AMELX: variants seen among roughly 807,000 people sequenced by gnomAD.
AMELX encodes amelogenin X-linked.
AMELX carries 9 observed loss-of-function variants against 15.8 expected under a neutral mutation model. The observed-to-expected ratio is 0.57, with a 90% confidence interval of 0.34 to 0.99. AMELX has a LOEUF of 0.99. AMELX is among the 50% of genes least tolerant of loss of function. The pLI is 0.02. For missense variants in AMELX, 107 were observed against 156.2 expected (o/e 0.68, Z 1.68); for synonymous variants, 61 against 58.8 (o/e 1.04, Z -0.17).
At chrX:11,303,281 G>A (rs2048193532), downstream of AMELX, among the ~76,000 whole-genome samples, 1 of 112,476 alleles carries the variant, frequency 8.9e-6, no homozygotes. Context: ...AGCCTTAACA[G>A]CAAGGGCCAT....
chrX:11,298,211 G>T (rs762554859), intron 3 of AMELX, 25 bp from the exon 4 acceptor site: 1 of 1,210,464 alleles, frequency 8.3e-7, no homozygotes, highest in South Asian at 1.8e-5. Context: ...AAATCAAATG[G>T]GTTCTAATAT....
Position 11,298,258 on chromosome X carries a change from A to G in AMELX, c.125A>G (p.Tyr42Cys), listed in dbSNP as rs1188448671. Residue 42 changes from tyrosine to cysteine, a missense_variant, in exon 4 of 6, where the codon TAC becomes TGC. Physicochemically the swap from Tyr to Cys is radical, Grantham distance 194 (BLOSUM62 -2). Coordinates refer to ENST00000380714, the MANE Select transcript of AMELX (RefSeq NM_001142.2). ...SYEVLTPLKWYQSIRPPYPSY... is the reference protein window; with the variant it reads ...SYEVLTPLKWCQSIRPPYPSY... ...AAGGTGCTTACCCCTTTGAAGTGGT[A>G]CCAGAGCATAAGGCCACCGGTATGT... 1.7e-6 allele frequency: 2 copies of G among 1,209,711 alleles called. No individual in the cohort carries two copies. The highest frequency in any genetic ancestry group is 2.2e-6 in the Non-Finnish European group (2 of 894,861).
chrX:11,298,834 C>A lies in AMELX; in HGVS notation c.431C>A (p.Pro144Gln). ...CCTCACCAGCCCATGCAGCCCCAGC[C>A]ACCTGTGCACCCCATGCAGCCCCTG... The part of the protein sequence containing the change: ...PQPHQPMQPQ[P>Q]PVHPMQPLPP... The change falls in exon 5 of 6, where the codon CCA becomes CAA. Residue 144 changes from proline to glutamine, a missense_variant. Transcript: ENST00000380714. 1.7e-6 allele frequency: 2 copies of A among 1,211,174 alleles called. No individual in the cohort carries two copies. Among genetic ancestry groups the A allele is most frequent in the Non-Finnish European group, 2.2e-6 (2 of 895,312 alleles).
intron 5 of AMELX, among the ~76,000 whole-genome samples, chrX:11,300,086 G>A (rs918808743): frequency 1.8e-5 from 2 of 111,536 alleles, no homozygotes; most frequent in Admixed American, 9.5e-5. Flanking sequence ...GCCTATCATT[G>A]GCTATTCTAG....
chrX:11,304,084 C>T (rs1045891885), downstream of AMELX, among the ~76,000 whole-genome samples: 2 of 110,237 alleles, frequency 1.8e-5, no homozygotes, highest in Non-Finnish European at 3.8e-5. Context: ...CACTGAAGTA[C>T]ATCACGTTTG....
chrX:11,299,878 G>A (rs947799273), intron 5 of AMELX, among the ~76,000 whole-genome samples: 11 of 111,698 alleles, frequency 9.8e-5, no homozygotes, highest in Non-Finnish European at 1.7e-4. Flanking sequence ...CAAATGTATC[G>A]GTGTTTTATT....
chrX:11,296,591 CA>C (rs2048088186), intron 2 of AMELX, among the ~76,000 whole-genome samples, 187 bp from the exon 3 acceptor site: 1 of 112,076 alleles, frequency 8.9e-6, no homozygotes, highest in Admixed American at 9.4e-5. Context: ...CTCTTCTATA[CA>C]GCACATTTGT....
At chrX:11,305,027 C>T (rs955691157), downstream of AMELX, among the ~76,000 whole-genome samples, 8 of 109,870 alleles carry the variant, frequency 7.3e-5, no homozygotes, top group African/African-American at 2.3e-4. Flanking sequence ...ACCTCCTGAT[C>T]TGCCTGCCTC....
chrX:11,300,748 T>C lies in AMELX; in HGVS notation c.*136T>C. ...AAAGTACCATTAGCAGACAATAAAA[T>C]GCATTAAAAATCATTCATGTCTTTG... On this transcript the variant is annotated 3_prime_UTR_variant, in exon 6 of 6. Coordinates refer to ENST00000380714, the MANE Select transcript of AMELX (RefSeq NM_001142.2). 1.7e-6 allele frequency: 1 copy of C among 592,032 alleles called. No individual in the cohort carries two copies. The highest frequency in any genetic ancestry group is 2.8e-6 in the Non-Finnish European group (1 of 360,171). The allele number at this position is 592,032 out of a possible 1,213,427, so 48.8% of individuals were successfully genotyped here. A position where few individuals can be genotyped will look rare whatever the true frequency, so the allele number is the denominator to read the frequency against.
At chrX:11,300,054 G>A (rs1011892460) in intron 5 of AMELX, among the ~76,000 whole-genome samples, 1 of 111,875 alleles carries the variant, frequency 8.9e-6, no homozygotes, top group African/African-American at 3.2e-5. Context: ...TTTGAAAATT[G>A]ATTGAATCCC....
the AMELX span, among the ~76,000 whole-genome samples, chrX:11,308,772 A>C: frequency 8.9e-6 from 1 of 112,318 alleles, no homozygotes; most frequent in African/African-American, 3.2e-5. Context: ...GACCCATGCA[A>C]CAGTAACATT....
chrX:11,294,923 T>C, intron 2 of AMELX, 81 bp downstream of exon 2: 2 of 1,046,537 alleles, frequency 1.9e-6, no homozygotes, highest in Non-Finnish European at 2.7e-6. Flanking sequence ...TTGGTGAAAT[T>C]AGGGTTTAAA....
At chrX:11,308,476 G>C in the AMELX span, among the ~76,000 whole-genome samples, 2 of 111,816 alleles carry the variant, frequency 1.8e-5, no homozygotes, top group Non-Finnish European at 3.8e-5. Flanking sequence ...CCACAGGACA[G>C]AGCTGAACCA....
chrX:11,305,600 G>A (rs1161780888), downstream of AMELX, among the ~76,000 whole-genome samples: 1 of 111,387 alleles, frequency 9.0e-6, no homozygotes, highest in Non-Finnish European at 1.9e-5. Context: ...GTGTCTACCC[G>A]AGTGATAAAG....
intron 5 of AMELX, 108 bp downstream of exon 5, chrX:11,299,081 A>G: frequency 2.1e-6 from 2 of 948,662 alleles, no homozygotes; most frequent in Admixed American, 5.2e-5. Context: ...GAGTTGTAGT[A>G]GTTACAGGTC....
chrX:11,297,706 G>A lies in AMELX; in HGVS notation c.103-530G>A, dbSNP rs550452317. On this transcript the variant is annotated intron_variant, in intron 3 of 5. Transcript: ENST00000380714. ...AAATGTTAGTAAGATTTTGAGGCAAGATTTTCTGTTGAACCGAAAAGATTG... is the reference window on the plus strand; with the variant it reads ...AAATGTTAGTAAGATTTTGAGGCAAAATTTTCTGTTGAACCGAAAAGATTG... 5.4e-5 allele frequency among the ~76,000 whole-genome samples: 6 copies of A among 112,102 alleles called. No individual in the cohort carries two copies. The South Asian group carries it at 2.2e-3, about 42-fold the overall frequency.
At chrX:11,294,538 C>A (rs377566843) in intron 1 of AMELX, among the ~76,000 whole-genome samples, 44 of 111,643 alleles carry the variant, frequency 3.9e-4, no homozygotes, top group African/African-American at 1.3e-3. Flanking sequence ...CATTCATGTC[C>A]CTGTAACTTG....
rs1407097203 is a variant in AMELX, at chrX:11,298,855, C to T, written c.452C>T (p.Pro151Leu). 8.3e-7 allele frequency: 1 copy of T among 1,208,857 alleles called. No homozygotes were observed. The highest frequency in any genetic ancestry group is 1.1e-6 in the Non-Finnish European group (1 of 894,944). The stretch of plus-strand genomic sequence containing the variant: ...CAGCCACCTGTGCACCCCATGCAGC[C>T]CCTGCCGCCACAGCCACCTCTGCCT... ...QPQPPVHPMQ[P>L]LPPQPPLPPM... The change falls in exon 5 of 6, where the codon CCC becomes CTC. Residue 151 changes from proline to leucine, a missense_variant. Physicochemically the swap from Pro to Leu is moderately conservative, Grantham distance 98 (BLOSUM62 -3). Coordinates refer to ENST00000380714, the MANE Select transcript of AMELX (RefSeq NM_001142.2).
At chrX:11,297,289 C>T (rs754995405) in intron 3 of AMELX, among the ~76,000 whole-genome samples, 1 of 112,112 alleles carries the variant, frequency 8.9e-6, no homozygotes, top group South Asian at 3.7e-4. Context: ...AGGAGAGACT[C>T]CGCAGAACAG....
Sources: allele counts gnomAD v4.1 joint callset (sites outside exome capture counted in the v4.1 genomes callset), GRCh38; gene constraint gnomAD v4.1.1; transcripts MANE v1.5; gene names NCBI Gene and HGNC (gene_info 2026-07-23, HGNC 2026-07-21).